The following PCDH11X variants were observed in gnomAD, a reference collection of about 807,000 sequenced individuals.
The protein encoded by PCDH11X is protocadherin 11 X-linked.
PCDH11X carries 18 observed loss-of-function variants against 53.3 expected under a neutral mutation model. The observed-to-expected ratio is 0.34, with a 90% CI of 0.23 to 0.50. The LOEUF (loss-of-function observed/expected upper bound fraction) is 0.50. Among genes scored for constraint, PCDH11X ranks in the 20% least tolerant of loss-of-function variants. The probability of loss-of-function intolerance (pLI) is 0.98; values close to 1 mark genes in which losing one functional copy is unlikely to be tolerated. For synonymous variants in PCDH11X, 279 were observed against 393.3 expected, an observed-to-expected ratio of 0.71 and a Z score of 3.44; for missense variants, 570 against 1,032.4, an observed-to-expected ratio of 0.55 and a Z score of 6.14.
chrX:92,506,756 A>G (rs1317888937), intron 10 of PCDH11X, among the ~76,000 whole-genome samples: 2 of 105,233 alleles, frequency 1.9e-5, no homozygotes, highest in African/African-American at 6.9e-5. Flanking sequence ...GTATCATTCT[A>G]TAATTTTTTG....
chrX:91,988,150 A>C (rs1210895584), intron 6 of PCDH11X, among the ~76,000 whole-genome samples: 1 of 111,250 alleles, frequency 9.0e-6, no homozygotes, highest in Admixed American at 9.6e-5. Flanking sequence ...TTATAATATT[A>C]GATTAATTTT....
At chrX:92,464,792 T>A (rs1434357106) in intron 9 of PCDH11X, among the ~76,000 whole-genome samples, 2 of 107,519 alleles carry the variant, frequency 1.9e-5, no homozygotes, top group African/African-American at 6.8e-5. Flanking sequence ...GAATTGAATC[T>A]TTTTTGCATA....
intron 7 of PCDH11X, among the ~76,000 whole-genome samples, chrX:92,245,645 A>T (rs2067335757): frequency 8.9e-6 from 1 of 112,020 alleles, no homozygotes; most frequent in Non-Finnish European, 1.9e-5. Flanking sequence ...AGTGGGTTAG[A>T]AATGGTGTAG....
intron 6 of PCDH11X, among the ~76,000 whole-genome samples, chrX:91,910,388 A>G (rs1462265141): frequency 1.3e-4 from 14 of 110,163 alleles, no homozygotes; most frequent in Non-Finnish European, 2.5e-4. Flanking sequence ...TAATTCACAT[A>G]TGCGGTGAAA....
chrX:91,866,438 T>C (rs1240676322), intron 5 of PCDH11X, among the ~76,000 whole-genome samples: 1 of 110,260 alleles, frequency 9.1e-6, no homozygotes, highest in Non-Finnish European at 1.9e-5. Flanking sequence ...CCCCACCAGA[T>C]AGGGCTGGTT....
chrX:92,218,323 GAGAA>G (rs2066769278), intron 7 of PCDH11X, among the ~76,000 whole-genome samples: 2 of 38,734 alleles, frequency 5.2e-5, no homozygotes, highest in Non-Finnish European at 1.2e-4. Flanking sequence ...GAAGAAAAGA[GAGAA>G]GAATCAAATA....
intron 9 of PCDH11X, chrX:92,459,739 G>A (rs2072991049): frequency 1.8e-6 from 2 of 1,115,775 alleles, no homozygotes; most frequent in South Asian, 1.9e-5. Flanking sequence ...GCCCAGCTAC[G>A]GCGCCCGGCC....
intron 6 of PCDH11X, among the ~76,000 whole-genome samples, chrX:92,190,637 G>A (rs531176635): frequency 9.8e-5 from 11 of 111,707 alleles, no homozygotes; most frequent in African/African-American, 3.6e-4. Flanking sequence ...TAATGAGAAA[G>A]TGTTTTGTTT....
intron 6 of PCDH11X, among the ~76,000 whole-genome samples, chrX:92,151,700 G>A (rs1012201377): frequency 4.5e-5 from 5 of 110,153 alleles, no homozygotes; most frequent in Admixed American, 9.7e-5. Context: ...TATTATTATC[G>A]TTACATATAT....
intron 5 of PCDH11X, among the ~76,000 whole-genome samples, chrX:91,863,628 G>T (rs1366677755): frequency 1.8e-5 from 2 of 111,042 alleles, no homozygotes; most frequent in East Asian, 2.8e-4. Context: ...ACTTACTCCT[G>T]CCATTTTATT....
At chrX:92,372,846 C>T (rs907311394) in intron 8 of PCDH11X, among the ~76,000 whole-genome samples, 11 of 107,073 alleles carry the variant, frequency 1.0e-4, no homozygotes, top group African/African-American at 3.7e-4. Flanking sequence ...ATTGAAGAGA[C>T]GTAGCAGGGT....
intron 6 of PCDH11X, among the ~76,000 whole-genome samples, chrX:92,082,143 T>A (rs1280261665): frequency 9.0e-6 from 1 of 111,144 alleles, no homozygotes; most frequent in Non-Finnish European, 1.9e-5. Flanking sequence ...CACCACAGTC[T>A]AACTCTTATG....
rs888183238 is a variant in PCDH11X at position 92,481,778 on chromosome X, G to A, written c.3367+13456G>A. Among the ~76,000 whole-genome samples the A allele has an allele frequency of 2.7e-5, 3 of 110,633 alleles. No individual in the cohort carries two copies. In the Admixed American group the frequency reaches 2.9e-4, roughly 11 times the overall value. On this transcript the variant is annotated intron_variant, in intron 10 of 10. Transcript: ENST00000682573. ...CCTCTGCGCTCCTCACTGGATGAAA[G>A]GCTGCCCTTACTACTTCTCTAAGCA... is the stretch of plus-strand genomic sequence containing the variant.
chrX:92,056,408 G>T (rs1457482527), intron 6 of PCDH11X, among the ~76,000 whole-genome samples: 2 of 111,351 alleles, frequency 1.8e-5, no homozygotes, highest in African/African-American at 6.5e-5. Context: ...GTAAATTTAA[G>T]TTCCTTATAC....
intron 6 of PCDH11X, among the ~76,000 whole-genome samples, chrX:91,919,723 T>C (rs1289092022): frequency 9.0e-6 from 1 of 111,298 alleles, no homozygotes; most frequent in East Asian, 2.8e-4. Context: ...TCTGTTTTCA[T>C]ATCTCCTTGT....
intron 10 of PCDH11X, among the ~76,000 whole-genome samples, chrX:92,477,773 G>A (rs1261923657): frequency 9.5e-6 from 1 of 105,258 alleles, no homozygotes; most frequent in African/African-American, 3.5e-5. Flanking sequence ...TATTATTGCT[G>A]GTCATTAATC....
chrX:91,791,708 T>A (rs1257934672), intron 1 of PCDH11X, among the ~76,000 whole-genome samples: 2 of 94,844 alleles, frequency 2.1e-5, no homozygotes, highest in African/African-American at 8.3e-5. Context: ...AGAGGGAAAA[T>A]CCAAAATATA....
intron 6 of PCDH11X, among the ~76,000 whole-genome samples, chrX:91,993,397 G>A (rs1015925616): frequency 3.6e-5 from 4 of 112,278 alleles, no homozygotes; most frequent in African/African-American, 9.7e-5. Context: ...AATTGGAAGA[G>A]TATATCCTTT....
intron 9 of PCDH11X, among the ~76,000 whole-genome samples, chrX:92,412,509 GTATATATATATATATA>G (rs748836273): frequency 0.017 from 1,099 of 64,410 alleles, 32 homozygotes; most frequent in African/African-American, 0.055. Context: ...AAAGAAAATA[GTATATATATATATATA>G]TATATATATA....
Sources: gnomAD v4.1 joint callset for allele counts (sites outside exome capture counted in the v4.1 genomes callset) on GRCh38, gnomAD v4.1.1 for gene constraint, MANE v1.5 for transcripts, NCBI Gene and HGNC (gene_info 2026-07-23, HGNC 2026-07-21) for gene names.